The following ANKRD36 variants were observed in gnomAD, a reference collection of about 807,000 sequenced individuals.
ANKRD36 encodes the protein ankyrin repeat domain 36, also known as ankyrin repeat domain-containing protein 36A.
ANKRD36 carries 179 observed loss-of-function variants against 278.1 expected under a neutral mutation model. The ratio of observed to expected loss-of-function variants is 0.64; its 90% CI spans 0.57 to 0.73. ANKRD36 has a LOEUF of 0.73. ANKRD36 is among the 30% of genes least tolerant of loss of function. The pLI is 0.00. For missense variants in ANKRD36, 1,159 were observed against 1,956.7 expected, an observed-to-expected ratio of 0.59 and a Z score of 7.69; for synonymous variants, 320 against 641.1, an observed-to-expected ratio of 0.50 and a Z score of 7.57.
chr2:97,169,210 G>T (rs2051625373), intron 22 of ANKRD36, among the ~76,000 whole-genome samples: 2 of 152,368 alleles, frequency 1.3e-5, no homozygotes, highest in African/African-American at 2.4e-5. Flanking sequence ...AATGATCAGT[G>T]ATCATGAGCC....
At position 97,226,071 on chromosome 2, in the gene ANKRD36, T is replaced by G. The variant is rs536200135; in HGVS notation, c.3951+1192T>G. Among the ~76,000 whole-genome samples, 347 of 151,926 alleles carry G rather than the reference T, an allele frequency of 2.3e-3. 1 individual carries two copies. The highest frequency in any genetic ancestry group is 7.7e-3 in the African/African-American group (320 of 41,474). On this transcript the variant is annotated intron_variant, in intron 67 of 75. Transcript: ENST00000420699. ...TCCAAGTCTTTGCTATTGTGAATAG[T>G]GCCGCAAAAACATATGTGTGCATGT...
intron 67 of ANKRD36, among the ~76,000 whole-genome samples, chr2:97,228,491 A>G (rs2070737439): frequency 6.6e-6 from 1 of 152,012 alleles, no homozygotes; most frequent in Non-Finnish European, 1.5e-5. Flanking sequence ...TATCCCCTTT[A>G]TCATTTTGTA....
At chr2:97,241,089 A>G (rs1483372737) in intron 68 of ANKRD36, among the ~76,000 whole-genome samples, 177 bp from the exon 69 acceptor site, 1 of 127,258 alleles carries the variant, frequency 7.9e-6, no homozygotes, top group East Asian at 2.7e-4. Context: ...AGCTAAAACA[A>G]TAGCAGAGGT....
At chr2:97,186,775 A>G (rs1247388748) in intron 30 of ANKRD36, among the ~76,000 whole-genome samples, 1 of 151,892 alleles carries the variant, frequency 6.6e-6, no homozygotes, top group East Asian at 1.9e-4. Flanking sequence ...GTTAATGAAC[A>G]TGATGAATGT....
At chr2:97,211,038 C>G (rs1275897808) in intron 56 of ANKRD36, among the ~76,000 whole-genome samples, 3 of 151,838 alleles carry the variant, frequency 2.0e-5, no homozygotes, top group Non-Finnish European at 4.4e-5. Context: ...TAGGACACTT[C>G]CACTGAAGAG....
At chr2:97,126,686 C>T (rs1191263225) in intron 5 of ANKRD36, among the ~76,000 whole-genome samples, 2 of 151,866 alleles carry the variant, frequency 1.3e-5, no homozygotes, top group Non-Finnish European at 2.9e-5. Context: ...CTTCATTAAA[C>T]CTATATAACA....
chr2:97,199,165 A>T (rs546049148), intron 44 of ANKRD36, among the ~76,000 whole-genome samples: 3 of 151,858 alleles, frequency 2.0e-5, no homozygotes, highest in Admixed American at 1.3e-4. Flanking sequence ...ATAATTTTGG[A>T]GTTTCTGCTG....
In ANKRD36 at chr2:97,180,059, C is replaced by A. The variant is rs2055687496; in HGVS notation, c.1735+126C>A. 7 of 1,430,754 alleles carry A rather than the reference C, an allele frequency of 4.9e-6. No individual in the cohort carries two copies. In the South Asian group the frequency reaches 8.7e-5, roughly 18 times the overall value. 88.6% of individuals were successfully genotyped at this position (1,430,754 alleles called of 1,614,324 possible). A position where few individuals can be genotyped will look rare whatever the true frequency, so the allele number is the denominator to read the frequency against. On this transcript the variant is annotated intron_variant, in intron 24 of 75. Coordinates refer to ENST00000420699, the MANE Select transcript of ANKRD36 (RefSeq NM_001354587.1). ...CTGATTCAGTACACCTGAGATTCTT[C>A]ATTTGTAGTGAGTTCTCAGGTGACC...
intron 17 of ANKRD36, among the ~76,000 whole-genome samples, chr2:97,161,004 A>G (rs6743469): frequency 0.71 from 93,098 of 130,226 alleles, 30,071 homozygotes; most frequent in Non-Finnish European, 0.81. Flanking sequence ...TGAATCCCAT[A>G]TTTTGTTTTC....
chr2:97,202,276 T>C (rs747017033), intron 47 of ANKRD36, 45 bp from the exon 48 acceptor site: 1 of 1,603,614 alleles, frequency 6.2e-7, no homozygotes, highest in East Asian at 2.3e-5. Flanking sequence ...ATGTATGGTC[T>C]ATGAAACATA....
intron 10 of ANKRD36, among the ~76,000 whole-genome samples, chr2:97,145,953 C>T (rs1044107953): frequency 3.9e-5 from 6 of 151,964 alleles, no homozygotes; most frequent in Non-Finnish European, 5.9e-5. Flanking sequence ...CTGGATTGTC[C>T]GGCAAGTCAA....
chr2:97,144,697 CA>C lies in ANKRD36; in HGVS notation c.993del (p.Lys331AsnfsTer13), dbSNP rs1472987098. On this transcript the variant is annotated frameshift_variant, in exon 10 of 76. Transcript: ENST00000420699. LOFTEE classifies it high-confidence loss of function. ...CACAGCCACAGAAATAAAAGATGAA[CA>C]AAAATCTGGGACAGGTAATTTTGCA... ...SNTATEIKDE[Q>X]KSGTVLPAVE... 2 of 1,543,984 alleles carry C rather than the reference CA, an allele frequency of 1.3e-6. No homozygotes were observed. The highest frequency in any genetic ancestry group is 2.4e-5 in the East Asian group (1 of 40,908).
At chr2:97,150,477 A>G (rs879000339) in intron 12 of ANKRD36, among the ~76,000 whole-genome samples, 1 of 152,280 alleles carries the variant, frequency 6.6e-6, no homozygotes, top group Admixed American at 6.5e-5. Flanking sequence ...ATGTGAATCA[A>G]CAAACAGGTA....
intron 18 of ANKRD36, among the ~76,000 whole-genome samples, chr2:97,162,663 T>C (rs1435958313): frequency 6.8e-6 from 1 of 147,364 alleles, no homozygotes; most frequent in African/African-American, 2.5e-5. Context: ...TGGAGCTTAC[T>C]GGAAGCAGAG....
chr2:97,178,738 A>T (rs1575405196), intron 22 of ANKRD36, among the ~76,000 whole-genome samples: 3 of 150,828 alleles, frequency 2.0e-5, no homozygotes, highest in South Asian at 2.1e-4. Context: ...AGATGATGAG[A>T]TAGTGGGTGC....
At chr2:97,218,422 GC>G (rs2066509976) in intron 64 of ANKRD36, among the ~76,000 whole-genome samples, 1 of 146,880 alleles carries the variant, frequency 6.8e-6, no homozygotes, top group Admixed American at 6.9e-5. Flanking sequence ...GTTTCTGAAG[GC>G]TAAACTAGAG....
chr2:97,203,000 A>T (rs2061818850), intron 48 of ANKRD36, among the ~76,000 whole-genome samples: 1 of 151,820 alleles, frequency 6.6e-6, no homozygotes, highest in East Asian at 1.9e-4. Flanking sequence ...TGCTGGAAGA[A>T]GGAAGCAATC....
intron 24 of ANKRD36, among the ~76,000 whole-genome samples, chr2:97,180,485 C>T (rs1201460333): frequency 2.0e-5 from 3 of 151,464 alleles, no homozygotes; most frequent in Non-Finnish European, 4.4e-5. Context: ...ATTTCAGATG[C>T]ATTTGGAATA....
At chr2:97,202,920 G>C (rs2061799429) in intron 48 of ANKRD36, among the ~76,000 whole-genome samples, 2 of 151,760 alleles carry the variant, frequency 1.3e-5, no homozygotes, top group Admixed American at 6.6e-5. Flanking sequence ...GAGGAAACCT[G>C]AGTGAACTCA....
Sources: allele counts gnomAD v4.1 joint callset (sites outside exome capture counted in the v4.1 genomes callset), GRCh38; gene constraint gnomAD v4.1.1; transcripts MANE v1.5; gene names NCBI Gene and HGNC (gene_info 2026-07-23, HGNC 2026-07-21).